EPB41L2: variants seen among roughly 807,000 people sequenced by gnomAD.
EPB41L2 encodes band 4.1-like protein 2.
EPB41L2 carries 43 observed loss-of-function variants against 113.0 expected under a neutral mutation model. That is an observed-to-expected ratio of 0.38 (90% confidence interval 0.30 to 0.49). EPB41L2 has a LOEUF of 0.49. EPB41L2 is among the 20% of genes least tolerant of loss of function. The pLI, the probability that EPB41L2 is intolerant of heterozygous loss-of-function variation, is 0.95. For missense variants in EPB41L2, 1,147 were observed against 1,223.4 expected (o/e 0.94, Z 0.93); for synonymous variants, 442 against 436.7 (o/e 1.01, Z -0.15).
intron 1 of EPB41L2, among the ~76,000 whole-genome samples, chr6:131,000,454 C>T (rs1340922023): frequency 6.6e-6 from 1 of 152,134 alleles, no homozygotes; most frequent in Non-Finnish European, 1.5e-5. Flanking sequence ...GAAATCTGAC[C>T]AACGCAACTA....
At chr6:131,020,366 T>C (rs1215808846) in intron 1 of EPB41L2, among the ~76,000 whole-genome samples, 1 of 152,216 alleles carries the variant, frequency 6.6e-6, no homozygotes, top group Non-Finnish European at 1.5e-5. Context: ...TTAATATGTC[T>C]GTAATTTAAA....
intron 1 of EPB41L2, among the ~76,000 whole-genome samples, chr6:130,991,095 C>A (rs1278980298): frequency 1.3e-5 from 2 of 152,106 alleles, no homozygotes; most frequent in Non-Finnish European, 2.9e-5. Flanking sequence ...TCCCAAAGTG[C>A]TAAGATTACA....
chr6:131,035,191 G>A (rs1793045054), intron 1 of EPB41L2, among the ~76,000 whole-genome samples: 1 of 152,206 alleles, frequency 6.6e-6, no homozygotes, highest in South Asian at 2.1e-4. Context: ...ACAGTTTCAG[G>A]ACTACTTAAG....
chr6:130,913,323 C>A (rs558027005), intron 4 of EPB41L2, among the ~76,000 whole-genome samples: 1 of 152,120 alleles, frequency 6.6e-6, no homozygotes, highest in Non-Finnish European at 1.5e-5. Context: ...ACTAAGTGGG[C>A]GGGGTTTACC....
chr6:130,873,465 G>GT (rs146101399), intron 14 of EPB41L2, among the ~76,000 whole-genome samples: 104,205 of 145,972 alleles, frequency 0.71, 37,640 homozygotes, highest in East Asian at 0.94. Flanking sequence ...CCACTATTCA[G>GT]GTTTTTTTTT....
intron 1 of EPB41L2, among the ~76,000 whole-genome samples, chr6:130,999,144 C>T (rs1159003295): frequency 6.6e-6 from 1 of 152,102 alleles, no homozygotes; most frequent in African/African-American, 2.4e-5. Context: ...CCCTGCCTAC[C>T]CCAGCTCAAT....
At chr6:131,028,223 A>G (rs1166809067) in intron 1 of EPB41L2, among the ~76,000 whole-genome samples, 5 of 152,208 alleles carry the variant, frequency 3.3e-5, no homozygotes, top group African/African-American at 9.6e-5. Context: ...AATGATTATT[A>G]GGCCACTTAG....
intron 1 of EPB41L2, among the ~76,000 whole-genome samples, chr6:130,976,137 G>A (rs1388858145): frequency 6.6e-6 from 1 of 152,156 alleles, no homozygotes; most frequent in Non-Finnish European, 1.5e-5. Context: ...GAACAAACAT[G>A]GACAGGAGTT....
intron 3 of EPB41L2, among the ~76,000 whole-genome samples, chr6:130,933,543 T>G (rs1424303252): frequency 8.5e-6 from 1 of 117,764 alleles, no homozygotes; most frequent in Non-Finnish European, 1.7e-5. Context: ...GGTATCAGAG[T>G]TTTAGTTTTT....
chr6:130,988,909 T>C (rs772279027), intron 1 of EPB41L2, among the ~76,000 whole-genome samples: 2 of 152,076 alleles, frequency 1.3e-5, no homozygotes, highest in Non-Finnish European at 2.9e-5. Flanking sequence ...GCCAACATGG[T>C]GAAACCCTAT....
intron 10 of EPB41L2, among the ~76,000 whole-genome samples, chr6:130,891,654 A>G (rs1319931325): frequency 6.6e-6 from 1 of 152,100 alleles, no homozygotes; most frequent in Non-Finnish European, 1.5e-5. Flanking sequence ...CAGTTTCACC[A>G]GGTCAGGCTG....
chr6:130,980,065 G>A lies in EPB41L2; in HGVS notation c.-14-23566C>T, dbSNP rs575838034. The stretch of plus-strand genomic sequence containing the variant: ...CGAGAAAGAAGAGTCTAACGGGGAG[G>A]CATGACCAACAGGGGCAAGGGCAGA... On this transcript the variant is annotated intron_variant, in intron 1 of 19. Transcript: ENST00000337057. 1.7e-4 allele frequency among the ~76,000 whole-genome samples: 26 copies of A among 152,282 alleles called. 1 individual carries two copies. The highest frequency in any genetic ancestry group is 6.3e-4 in the African/African-American group (26 of 41,562).
At chr6:131,033,081 G>C (rs1792550232) in intron 1 of EPB41L2, among the ~76,000 whole-genome samples, 1 of 152,086 alleles carries the variant, frequency 6.6e-6, no homozygotes, top group African/African-American at 2.4e-5. Context: ...TCACCATCTT[G>C]GCAAGGCTGG....
In EPB41L2 at chr6:130,995,107, C is replaced by T. The variant is rs1402402357; in HGVS notation, c.-14-38608G>A. 2.0e-5 allele frequency among the ~76,000 whole-genome samples: 3 copies of T among 152,092 alleles called. No individual in the cohort carries two copies. In the East Asian group the frequency reaches 5.8e-4, roughly 29 times the overall value. On this transcript the variant is annotated intron_variant, in intron 1 of 19. Transcript: ENST00000337057. ...ATCCCAGCACTTTGGGAGGCCAAGG[C>T]GGGTGGATCACGAGGTCAGGAGATC...
chr6:130,943,226 G>A (rs529402822), intron 3 of EPB41L2, among the ~76,000 whole-genome samples: 14 of 152,262 alleles, frequency 9.2e-5, no homozygotes, highest in Non-Finnish European at 1.5e-4. Context: ...GTGTAAAAGC[G>A]TTCCTATTTC....
intron 11 of EPB41L2, among the ~76,000 whole-genome samples, chr6:130,887,232 T>C (rs1028623670): frequency 1.3e-5 from 2 of 152,184 alleles, no homozygotes; most frequent in African/African-American, 4.8e-5. Flanking sequence ...GCCGATACAT[T>C]TATTCAGGTC....
At chr6:131,021,985 T>C (rs1331652156) in intron 1 of EPB41L2, among the ~76,000 whole-genome samples, 1 of 152,186 alleles carries the variant, frequency 6.6e-6, no homozygotes, top group African/African-American at 2.4e-5. Flanking sequence ...GTGCATTACA[T>C]TTATTGTGCA....
intron 1 of EPB41L2, among the ~76,000 whole-genome samples, chr6:130,981,149 T>C (rs969373652): frequency 6.6e-6 from 1 of 152,188 alleles, no homozygotes; most frequent in African/African-American, 2.4e-5. Flanking sequence ...CAATTTTCAA[T>C]ATGAGAAGTC....
intron 18 of EPB41L2, 58 bp from the exon 19 acceptor site, chr6:130,858,301 T>A: frequency 7.4e-7 from 1 of 1,347,748 alleles, no homozygotes. Context: ...CACCTCACAA[T>A]GGCAAAACAC....
Sources: allele counts gnomAD v4.1 joint callset (sites outside exome capture counted in the v4.1 genomes callset), GRCh38; gene constraint gnomAD v4.1.1; transcripts MANE v1.5; gene names NCBI Gene and HGNC (gene_info 2026-07-23, HGNC 2026-07-21).